ASAP1: variants seen among roughly 807,000 people sequenced by gnomAD.
ASAP1 encodes the protein arf-GAP with SH3 domain, ANK repeat and PH domain-containing protein 1.
In ASAP1, 43 loss-of-function variants were observed where a neutral mutation model predicts 145.2. That is an observed-to-expected ratio of 0.30 (90% CI 0.23 to 0.38). The LOEUF (loss-of-function observed/expected upper bound fraction) is 0.38, where lower values mean the gene tolerates loss of function less well. Among genes scored for constraint, ASAP1 ranks in the 10% least tolerant of loss-of-function variants. The pLI, the probability that ASAP1 is intolerant of heterozygous loss-of-function variation, is 1.00. For synonymous variants in ASAP1, 546 were observed against 515.5 expected (o/e 1.06, Z -0.80); for missense variants, 1,018 against 1,355.3 (o/e 0.75, Z 3.91).
intron 5 of ASAP1, among the ~76,000 whole-genome samples, chr8:130,201,153 T>A (rs1403265015): frequency 6.6e-6 from 1 of 152,228 alleles, no homozygotes; most frequent in Non-Finnish European, 1.5e-5. Flanking sequence ...TGAGAACCAC[T>A]GCCTTAGACT....
intron 1 of ASAP1, among the ~76,000 whole-genome samples, chr8:130,428,184 T>C (rs888227225): frequency 9.9e-5 from 15 of 152,066 alleles, no homozygotes; most frequent in African/African-American, 3.6e-4. Context: ...CTGTCCCTCT[T>C]CAGTGTCCAT....
chr8:130,401,685 TA>T (rs1209034470), intron 2 of ASAP1, among the ~76,000 whole-genome samples, 199 bp downstream of exon 2: 2 of 152,204 alleles, frequency 1.3e-5, no homozygotes, highest in African/African-American at 4.8e-5. Context: ...AGGCAATGGA[TA>T]ATGTGACAGA....
In ASAP1 at chr8:130,124,165, T is replaced by C. The variant is rs189307259; in HGVS notation, c.1516-61A>G. 9.2e-5 allele frequency: 108 copies of C among 1,176,188 alleles called. 1 individual carries two copies. In the East Asian group the frequency reaches 1.8e-3, roughly 19 times the overall value. 72.9% of individuals were successfully genotyped at this position (1,176,188 alleles called of 1,614,324 possible). On this transcript the variant is annotated intron_variant, in intron 17 of 29. Transcript: ENST00000518721. Reference sequence around the variant, plus strand: ...AACTCTTTGCTACTAGTTAAAAGTCTCCTATTATTTGTTTTTGAGATTTAT... The same window carrying C: ...AACTCTTTGCTACTAGTTAAAAGTCCCCTATTATTTGTTTTTGAGATTTAT...
intron 24 of ASAP1, among the ~76,000 whole-genome samples, chr8:130,096,046 C>G (rs577290841): frequency 6.6e-6 from 1 of 152,284 alleles, no homozygotes; most frequent in East Asian, 1.9e-4. Flanking sequence ...TAATCTTACA[C>G]TTGGAAAACA....
Position 130,142,181 on chromosome 8 carries a change from T to C in ASAP1, c.1081-5143A>G, listed in dbSNP as rs554404587. On this transcript the variant is annotated intron_variant, in intron 13 of 29. Transcript: ENST00000518721. ...TTCCTAAGCTCTCCCGGTAAGAAAGTGGTTTGGATGGGTCAGAGCCCCCAC... is the reference window on the plus strand; with the variant it reads ...TTCCTAAGCTCTCCCGGTAAGAAAGCGGTTTGGATGGGTCAGAGCCCCCAC... 1.3e-4 allele frequency among the ~76,000 whole-genome samples: 20 copies of C among 152,176 alleles called. No individual in the cohort carries two copies. In the East Asian group the frequency reaches 3.9e-3, roughly 29 times the overall value.
At chr8:130,095,898 C>T (rs1471300175) in intron 24 of ASAP1, among the ~76,000 whole-genome samples, 1 of 152,138 alleles carries the variant, frequency 6.6e-6, no homozygotes, top group African/African-American at 2.4e-5. Flanking sequence ...GGATTACAGG[C>T]GTGAGTCACA....
intron 5 of ASAP1, among the ~76,000 whole-genome samples, chr8:130,199,678 T>A (rs1240373978): frequency 6.6e-6 from 1 of 152,172 alleles, no homozygotes; most frequent in East Asian, 1.9e-4. Flanking sequence ...ACCTCTAAGG[T>A]ACCTTCCAGT....
chr8:130,152,844 A>G (rs1203646533), intron 12 of ASAP1, 39 bp from the exon 13 acceptor site: 2 of 1,455,920 alleles, frequency 1.4e-6, no homozygotes, highest in South Asian at 2.4e-5. Flanking sequence ...ATAGTAACTG[A>G]TTCACTCTGG....
intron 3 of ASAP1, 128 bp downstream of exon 3, chr8:130,357,889 G>A (rs1350016720): frequency 3.9e-6 from 5 of 1,296,256 alleles, no homozygotes; most frequent in East Asian, 2.7e-5. Context: ...TTATTCACCC[G>A]GCGGCTCCCT....
At chr8:130,291,702 G>A (rs1028135284) in intron 3 of ASAP1, among the ~76,000 whole-genome samples, 2 of 152,166 alleles carry the variant, frequency 1.3e-5, no homozygotes, top group Admixed American at 1.3e-4. Context: ...CTTGAAAAAG[G>A]CAACCAAAGT....
chr8:130,280,105 A>C lies in ASAP1; in HGVS notation c.187-43111T>G, dbSNP rs79530975. 2.6e-5 allele frequency among the ~76,000 whole-genome samples: 4 copies of C among 152,320 alleles called. No individual in the cohort carries two copies. The East Asian group carries it at 7.7e-4, about 29-fold the overall frequency. ...TTCTTGACTATTTTGCTGACAAGGA[A>C]ACCATGGTTCAGAGGGATCAAGGGG... On this transcript the variant is annotated intron_variant, in intron 3 of 29. Coordinates refer to ENST00000518721, the MANE Select transcript of ASAP1 (RefSeq NM_018482.4).
At chr8:130,368,674 C>A (rs920770077) in intron 2 of ASAP1, among the ~76,000 whole-genome samples, 3 of 152,230 alleles carry the variant, frequency 2.0e-5, no homozygotes, top group Admixed American at 2.0e-4. Flanking sequence ...TATGCCTTTT[C>A]TCTCTAAGAC....
intron 24 of ASAP1, among the ~76,000 whole-genome samples, chr8:130,098,309 A>G (rs767605106): frequency 8.5e-5 from 13 of 152,172 alleles, no homozygotes; most frequent in Non-Finnish European, 1.6e-4. Flanking sequence ...TTTCAGGGAC[A>G]TAACTGAGTT....
chr8:130,387,116 C>G (rs1828054351), intron 2 of ASAP1, among the ~76,000 whole-genome samples: 10 of 152,194 alleles, frequency 6.6e-5, no homozygotes, highest in Admixed American at 6.5e-4. Context: ...AAACCGAAAT[C>G]AAACCTGCTT....
intron 3 of ASAP1, among the ~76,000 whole-genome samples, chr8:130,275,787 G>T (rs139993772): frequency 2.4e-3 from 365 of 152,232 alleles, no homozygotes; most frequent in African/African-American, 8.6e-3. Context: ...CCATATCAGA[G>T]AAAAGATAGA....
chr8:130,401,956 A>C lies in ASAP1; in HGVS notation c.-13T>G. The C allele has an allele frequency of 6.2e-7, 1 of 1,612,696 alleles. No homozygotes were observed. Among genetic ancestry groups the C allele is most frequent in the Non-Finnish European group, 8.5e-7 (1 of 1,179,604 alleles). On this transcript the variant is annotated 5_prime_UTR_variant, in exon 2 of 30. The change abolishes the stop of an existing upstream ORF in the 5' untranslated region. Transcript: ENST00000518721. ...CTGAAGATCTCATGTCTCAGCCGTC[A>C]CATCAGAAAACGACCTGGATAGGGG...
intron 25 of ASAP1, among the ~76,000 whole-genome samples, chr8:130,089,251 T>C (rs550357262): frequency 2.0e-5 from 3 of 152,272 alleles, no homozygotes; most frequent in African/African-American, 7.2e-5. Context: ...GTTGAGGGCA[T>C]ACTGTAAGCA....
intron 4 of ASAP1, among the ~76,000 whole-genome samples, chr8:130,230,065 AAAACAAACAAACAAAC>A (rs3997633): frequency 2.7e-4 from 41 of 150,278 alleles, no homozygotes; most frequent in Admixed American, 4.0e-4. Flanking sequence ...TCCTGTCTCC[AAAACAAACAAACAAAC>A]AAACAAACAA....
intron 1 of ASAP1, among the ~76,000 whole-genome samples, chr8:130,422,553 CA>C (rs1829763899): frequency 6.6e-6 from 1 of 152,206 alleles, no homozygotes; most frequent in Non-Finnish European, 1.5e-5. Context: ...CTGTCTCTGT[CA>C]AGATTCCATT....
Sources: allele counts gnomAD v4.1 joint callset (sites outside exome capture counted in the v4.1 genomes callset), GRCh38; gene constraint gnomAD v4.1.1; transcripts MANE v1.5; gene names NCBI Gene and HGNC (gene_info 2026-07-23, HGNC 2026-07-21).